The following DOCK9 variants were observed in gnomAD, a reference collection of about 807,000 sequenced individuals.
The protein encoded by DOCK9 is dedicator of cytokinesis 9, also known as dedicator of cytokinesis protein 9.
In DOCK9, 89 loss-of-function variants were observed where a neutral mutation model predicts 263.3. The ratio of observed to expected loss-of-function variants is 0.34; its 90% CI spans 0.28 to 0.40. The LOEUF is 0.40. Among genes scored for constraint, DOCK9 ranks in the 10% least tolerant of loss-of-function variants. The probability of loss-of-function intolerance (pLI) is 1.00; values close to 1 mark genes in which losing one functional copy is unlikely to be tolerated. For missense variants in DOCK9, 2,140 were observed against 2,603.4 expected, an observed-to-expected ratio of 0.82 and a Z score of 3.87; for synonymous variants, 976 against 973.1, an observed-to-expected ratio of 1.00 and a Z score of -0.06.
chr13:99,018,919 GCC>G (rs1885746022), intron 1 of DOCK9, among the ~76,000 whole-genome samples: 2 of 127,066 alleles, frequency 1.6e-5, no homozygotes, highest in South Asian at 5.0e-4. Context: ...TGAGATGCAG[GCC>G]CAGGTCTTCC....
intron 2 of DOCK9, among the ~76,000 whole-genome samples, chr13:98,953,863 C>A (rs1193028471): frequency 6.6e-6 from 1 of 152,230 alleles, no homozygotes; most frequent in Non-Finnish European, 1.5e-5. Context: ...CAACACCACA[C>A]GAATGGTCAA....
intron 5 of DOCK9, among the ~76,000 whole-genome samples, chr13:98,922,361 A>G (rs1243143909): frequency 1.3e-5 from 2 of 152,198 alleles, no homozygotes; most frequent in Non-Finnish European, 1.5e-5. Flanking sequence ...ACTTTATTCC[A>G]TTAAAGGCAA....
chr13:98,968,986 T>C (rs796802257), intron 1 of DOCK9, among the ~76,000 whole-genome samples: 7 of 152,340 alleles, frequency 4.6e-5, no homozygotes, highest in African/African-American at 1.7e-4. Context: ...GTTGTGACAA[T>C]GTCACATGGT....
intron 7 of DOCK9, 148 bp from the exon 8 acceptor site, chr13:98,915,651 C>CG: frequency 4.5e-6 from 3 of 670,726 alleles, no homozygotes; most frequent in South Asian, 2.3e-5. Flanking sequence ...TGAAAGCCCC[C>CG]CCCCATGAAA....
intron 1 of DOCK9, among the ~76,000 whole-genome samples, chr13:98,993,557 G>A (rs1880308892): frequency 6.6e-6 from 1 of 152,164 alleles, no homozygotes; most frequent in Non-Finnish European, 1.5e-5. Context: ...ATCAGTGAAG[G>A]AAGGCAGTAA....
Position 98,888,705 on chromosome 13 carries a change from C to T in DOCK9, c.1716G>A (p.Glu572=), listed in dbSNP as rs1236265999. 1.9e-6 allele frequency: 3 copies of T among 1,613,272 alleles called. No homozygotes were observed. Among genetic ancestry groups the T allele is most frequent in the Non-Finnish European group, 2.5e-6 (3 of 1,179,684 alleles). Residue 572 remains glutamate (E), a synonymous_variant, in exon 16 of 53, where the codon GAG becomes GAA. Coordinates refer to ENST00000682017, the MANE Select transcript of DOCK9 (RefSeq NM_001366683.2). The part of the protein sequence containing the change: ...LKLLADFRKP[E]KMAKLPVILG... The stretch of plus-strand genomic sequence containing the variant: ...AAATCACTGGGAGCTTAGCCATCTT[C>T]TCAGGTCTGCAAACAAAAGAAGAGA...
At chr13:98,797,583 C>A in intron 50 of DOCK9, 94 bp from the exon 51 acceptor site, 3 of 1,065,510 alleles carry the variant, frequency 2.8e-6, no homozygotes, top group South Asian at 2.8e-5. Context: ...AAAGCCCGTT[C>A]GCGTGAGCTA....
chr13:99,079,842 C>A (rs1596058906), intron 1 of DOCK9, among the ~76,000 whole-genome samples: 1 of 152,066 alleles, frequency 6.6e-6, no homozygotes. Context: ...GAGTTCAAGA[C>A]CAGCCTGGCC....
At chr13:98,834,051 A>G (rs1270537325) in intron 39 of DOCK9, among the ~76,000 whole-genome samples, 1 of 152,262 alleles carries the variant, frequency 6.6e-6, no homozygotes, top group Non-Finnish European at 1.5e-5. Context: ...AGAATAATAT[A>G]AAGGCATGGC....
intron 1 of DOCK9, among the ~76,000 whole-genome samples, chr13:99,066,274 A>G (rs903711008): frequency 6.6e-6 from 1 of 152,234 alleles, no homozygotes; most frequent in Non-Finnish European, 1.5e-5. Context: ...CAAGCTAAGT[A>G]TTCAGCATCT....
chr13:99,036,213 A>G (rs1348446289), intron 1 of DOCK9, among the ~76,000 whole-genome samples: 1 of 152,172 alleles, frequency 6.6e-6, no homozygotes, highest in African/African-American at 2.4e-5. Context: ...CAAACGGAAT[A>G]TTTGTGCTCC....
At chr13:98,866,453 A>T (rs2094026994) in intron 30 of DOCK9, among the ~76,000 whole-genome samples, 1 of 152,162 alleles carries the variant, frequency 6.6e-6, no homozygotes, top group African/African-American at 2.4e-5. Context: ...CGGAATTCAG[A>T]AGCAGTTGAT....
At chr13:99,074,879 A>T (rs1281964811) in intron 1 of DOCK9, among the ~76,000 whole-genome samples, 5 of 152,194 alleles carry the variant, frequency 3.3e-5, no homozygotes, top group African/African-American at 1.2e-4. Flanking sequence ...AACTGCTCAC[A>T]TAGGGATGAT....
chr13:99,073,602 A>T (rs9554550), intron 1 of DOCK9, among the ~76,000 whole-genome samples: 79,936 of 151,944 alleles, frequency 0.53, 21,311 homozygotes, highest in South Asian at 0.68. Flanking sequence ...CTTTAAGGCT[A>T]GGGGGTTGGC....
intron 2 of DOCK9, among the ~76,000 whole-genome samples, chr13:98,931,673 C>T (rs1324308738): frequency 9.2e-5 from 14 of 152,300 alleles, no homozygotes; most frequent in African/African-American, 3.4e-4. Flanking sequence ...TCTCGGCTCA[C>T]TGCAACCTCT....
chr13:99,058,996 G>C (rs982944584), intron 1 of DOCK9, among the ~76,000 whole-genome samples: 1 of 152,128 alleles, frequency 6.6e-6, no homozygotes, highest in African/African-American at 2.4e-5. Context: ...TGACCTCCTG[G>C]AGGCTTCTTA....
chr13:98,908,251 C>T (rs1284370923), intron 9 of DOCK9, among the ~76,000 whole-genome samples: 2 of 152,170 alleles, frequency 1.3e-5, no homozygotes, highest in South Asian at 2.1e-4. Flanking sequence ...CCATTTTACA[C>T]TCGTCTGGTG....
chr13:98,796,732 G>A (rs568309259), intron 52 of DOCK9, among the ~76,000 whole-genome samples: 1 of 152,296 alleles, frequency 6.6e-6, no homozygotes, highest in East Asian at 1.9e-4. Flanking sequence ...CCTTAAACCA[G>A]GTTGGCAAGT....
chr13:99,050,817 T>G (rs1368154980), intron 1 of DOCK9, among the ~76,000 whole-genome samples: 1 of 152,216 alleles, frequency 6.6e-6, no homozygotes, highest in Non-Finnish European at 1.5e-5. Context: ...TAATGTGTCG[T>G]TGCTCTAAAA....
Sources: allele counts gnomAD v4.1 joint callset (sites outside exome capture counted in the v4.1 genomes callset), GRCh38; gene constraint gnomAD v4.1.1; transcripts MANE v1.5; gene names NCBI Gene and HGNC (gene_info 2026-07-23, HGNC 2026-07-21).